The following CSNK1A1 variants were observed in gnomAD, a reference collection of about 807,000 sequenced individuals.
The protein encoded by CSNK1A1 is casein kinase 1 alpha 1, also known as casein kinase I isoform alpha.
A neutral mutation model predicts 46.1 loss-of-function variants in CSNK1A1; 7 were observed. That is an observed-to-expected ratio of 0.15 (90% confidence interval 0.09 to 0.29). The LOEUF is 0.29. Ranked by LOEUF, CSNK1A1 falls within the 10% of genes least tolerant of loss-of-function variation. CSNK1A1 has a pLI of 1.00. For synonymous variants in CSNK1A1, 137 were observed against 141.5 expected (o/e 0.97, Z 0.23); for missense variants, 96 against 417.1 (o/e 0.23, Z 6.71).
At chr5:149,513,464 TAC>T (rs1309471068) in intron 4 of CSNK1A1, among the ~76,000 whole-genome samples, 2 of 152,274 alleles carry the variant, frequency 1.3e-5, no homozygotes, top group East Asian at 3.9e-4. Context: ...CCCATTTCAT[TAC>T]ATACTCAGGA....
chr5:149,503,296 T>G (rs1030085924), intron 9 of CSNK1A1: 1 of 985,340 alleles, frequency 1.0e-6, no homozygotes, highest in African/African-American at 1.7e-5. Flanking sequence ...AGCTACATTT[T>G]CATGGTTTAT....
At chr5:149,511,898 A>C in intron 5 of CSNK1A1, 26 bp from the exon 6 acceptor site, 1 of 1,521,564 alleles carries the variant, frequency 6.6e-7, no homozygotes, top group Non-Finnish European at 9.0e-7. Context: ...TAATTTTATA[A>C]ACTGGAACTA....
chr5:149,502,156 T>C (rs1760878750), intron 9 of CSNK1A1: 2 of 960,616 alleles, frequency 2.1e-6, no homozygotes, highest in African/African-American at 1.8e-5. Flanking sequence ...CAACACCATT[T>C]TTACTGAAGA....
At chr5:149,528,376 A>G (rs976424773) in intron 2 of CSNK1A1, among the ~76,000 whole-genome samples, 5 of 152,226 alleles carry the variant, frequency 3.3e-5, no homozygotes, top group Non-Finnish European at 5.9e-5. Context: ...CCTTAAACCT[A>G]AGAGACAGGA....
intron 2 of CSNK1A1, among the ~76,000 whole-genome samples, chr5:149,538,990 T>C (rs1762147815): frequency 6.6e-6 from 1 of 152,044 alleles, no homozygotes; most frequent in African/African-American, 2.4e-5. Context: ...AATTTCATTA[T>C]TGTACTTGGC....
chr5:149,544,452 C>A (rs1035086505), intron 2 of CSNK1A1, among the ~76,000 whole-genome samples: 1 of 151,852 alleles, frequency 6.6e-6, no homozygotes, highest in African/African-American at 2.4e-5. Context: ...TACTTGAGCT[C>A]AGGAATGCAA....
intron 2 of CSNK1A1, among the ~76,000 whole-genome samples, chr5:149,527,422 G>A (rs761151093): frequency 3.3e-5 from 5 of 152,088 alleles, no homozygotes; most frequent in African/African-American, 2.4e-5. Context: ...CACCACACCC[G>A]GCCAGAAGAG....
chr5:149,546,868 C>A (rs2113204103), intron 2 of CSNK1A1, among the ~76,000 whole-genome samples: 1 of 152,156 alleles, frequency 6.6e-6, no homozygotes, highest in Admixed American at 6.5e-5. Context: ...ATAGGTGATA[C>A]AGAAATAGTG....
intron 2 of CSNK1A1, among the ~76,000 whole-genome samples, chr5:149,546,200 C>T (rs1416579918): frequency 2.0e-5 from 3 of 151,990 alleles, no homozygotes; most frequent in Admixed American, 6.6e-5. Context: ...TGGCGCCCGG[C>T]TTATCCTTGC....
intron 2 of CSNK1A1, among the ~76,000 whole-genome samples, chr5:149,544,733 A>G (rs1333882552): frequency 2.5e-5 from 2 of 78,706 alleles, no homozygotes; most frequent in Non-Finnish European, 4.8e-5. Flanking sequence ...GAGGGTAAAG[A>G]GCTTTATATA....
At chr5:149,497,721 C>A (rs1760697838) in intron 9 of CSNK1A1, 1 of 985,558 alleles carries the variant, frequency 1.0e-6, no homozygotes, top group East Asian at 1.1e-4. Context: ...CTTTGTCTAC[C>A]TCCTTACAAA....
chr5:149,510,468 GT>G (rs374883658), intron 6 of CSNK1A1, among the ~76,000 whole-genome samples: 1 of 150,442 alleles, frequency 6.6e-6, no homozygotes, highest in African/African-American at 2.4e-5. Context: ...CCTTTTCTTT[GT>G]TTTTTTGTTT....
chr5:149,499,459 A>T (rs985639821), intron 9 of CSNK1A1, among the ~76,000 whole-genome samples: 2 of 152,124 alleles, frequency 1.3e-5, no homozygotes, highest in African/African-American at 4.8e-5. Flanking sequence ...ACCCAATCTG[A>T]AATCTAAAAT....
At chr5:149,546,351 C>A (rs1762482235) in intron 2 of CSNK1A1, among the ~76,000 whole-genome samples, 1 of 151,742 alleles carries the variant, frequency 6.6e-6, no homozygotes, top group Non-Finnish European at 1.5e-5. Flanking sequence ...AAAGAAAATC[C>A]TGGCTGGGTG....
chr5:149,505,163 A>C, intron 9 of CSNK1A1: 1 of 1,073,632 alleles, frequency 9.3e-7, no homozygotes. Context: ...TGAATGAGTA[A>C]AAAAGATGCA....
At chr5:149,538,085 C>T (rs578097355) in intron 2 of CSNK1A1, among the ~76,000 whole-genome samples, 3 of 139,628 alleles carry the variant, frequency 2.1e-5, no homozygotes, top group East Asian at 2.2e-4. Flanking sequence ...TGCAATGGCG[C>T]GATCCTGGCT....
Position 149,511,757 on chromosome 5 carries a change from A to G in CSNK1A1, c.675+37T>C, listed in dbSNP as rs775280025. ...CCAATATATATTTTTATTCTAAAAA[A>G]GAGAGAGAAAAATCTGATAATGTGA... On this transcript the variant is annotated intron_variant, in intron 6 of 9. Coordinates refer to ENST00000377843, the MANE Select transcript of CSNK1A1 (RefSeq NM_001892.6). 3.6e-6 allele frequency: 5 copies of G among 1,382,202 alleles called. No homozygotes were observed. In the South Asian group the frequency reaches 3.8e-5, roughly 11 times the overall value. 85.6% of individuals were successfully genotyped at this position (1,382,202 alleles called of 1,614,324 possible).
intron 7 of CSNK1A1, 78 bp from the exon 8 acceptor site, chr5:149,507,211 A>G: frequency 8.9e-7 from 1 of 1,125,380 alleles, no homozygotes; most frequent in Non-Finnish European, 1.3e-6. Context: ...AGTATAAGCA[A>G]AAAGATATTT....
At position 149,517,071 on chromosome 5, in the gene CSNK1A1, T is replaced by A. The variant is rs187602719; in HGVS notation, c.456+3219A>T. ...AAAAGTGTAACAAAATATGAAGAGT[T>A]CTACTTACAAATTTAGAAAATTAGT... On this transcript the variant is annotated intron_variant, in intron 4 of 9. Transcript: ENST00000377843. This position sits in a 1 kb window ranked among gnomAD's most constrained non-coding sequence, Gnocchi z 4.4. 3.1e-4 allele frequency among the ~76,000 whole-genome samples: 47 copies of A among 152,314 alleles called. No homozygotes were observed. The highest frequency in any genetic ancestry group is 1.1e-3 in the African/African-American group (45 of 41,570).
Sources: allele counts gnomAD v4.1 joint callset (sites outside exome capture counted in the v4.1 genomes callset), GRCh38; gene constraint gnomAD v4.1.1; non-coding constraint Gnocchi (gnomAD v3.1); transcripts MANE v1.5; gene names NCBI Gene and HGNC (gene_info 2026-07-23, HGNC 2026-07-21).